The following PARVA variants were observed in gnomAD, a reference collection of about 807,000 sequenced individuals.
The protein encoded by PARVA is parvin alpha, also known as alpha-parvin.
Under a neutral mutation model 52.6 loss-of-function variants are expected in PARVA, and 25 were observed. That is an observed-to-expected ratio of 0.48 (90% CI 0.35 to 0.66). The LOEUF (loss-of-function observed/expected upper bound fraction) is 0.66. Ranked by LOEUF, PARVA falls within the 30% of genes least tolerant of loss-of-function variation. The pLI is 0.01. For synonymous variants in PARVA, 185 were observed against 179.1 expected (o/e 1.03, Z -0.26); for missense variants, 373 against 450.9 (o/e 0.83, Z 1.56).
At chr11:12,519,725 C>T (rs1188896721) in intron 12 of PARVA, among the ~76,000 whole-genome samples, 1 of 152,104 alleles carries the variant, frequency 6.6e-6, no homozygotes, top group African/African-American at 2.4e-5. Flanking sequence ...TCTCATGACT[C>T]CTTCCAGACT....
chr11:12,438,622 T>G (rs373985961), intron 1 of PARVA, among the ~76,000 whole-genome samples: 2 of 152,312 alleles, frequency 1.3e-5, no homozygotes, highest in African/African-American at 4.8e-5. Flanking sequence ...ATTCATTAAT[T>G]TATTCATTTA....
At chr11:12,454,982 A>G (rs1274073336) in intron 1 of PARVA, among the ~76,000 whole-genome samples, 1 of 152,216 alleles carries the variant, frequency 6.6e-6, no homozygotes, top group Non-Finnish European at 1.5e-5. Context: ...GATTGAAATA[A>G]GGCCCATGCA....
At chr11:12,377,182 C>T (rs750253153), upstream of PARVA, 1 of 269,260 alleles carries the variant, frequency 3.7e-6, no homozygotes, top group Non-Finnish European at 6.8e-6. Context: ...GCCTGATAAC[C>T]CCACAGGCAG....
At chr11:12,395,105 A>AAAAAGAAAG (rs1555030349) in intron 1 of PARVA, among the ~76,000 whole-genome samples, 3 of 148,910 alleles carry the variant, frequency 2.0e-5, no homozygotes, top group African/African-American at 5.1e-5. Flanking sequence ...AAAAAAAAAA[A>AAAAAGAAAG]AAAGAAAGAA....
intron 4 of PARVA, among the ~76,000 whole-genome samples, chr11:12,490,165 G>A (rs1399081287): frequency 1.2e-4 from 18 of 148,014 alleles, no homozygotes; most frequent in Admixed American, 2.8e-4. Flanking sequence ...GCCGTGAGCC[G>A]AGATCGTGCC....
chr11:12,415,270 T>G (rs1474007212), intron 1 of PARVA, among the ~76,000 whole-genome samples: 2 of 152,188 alleles, frequency 1.3e-5, no homozygotes, highest in African/African-American at 2.4e-5. Context: ...AACTTGAAAC[T>G]AGGATTCCAG....
At chr11:12,471,946 A>G (rs1452559864) in intron 1 of PARVA, among the ~76,000 whole-genome samples, 2 of 152,246 alleles carry the variant, frequency 1.3e-5, no homozygotes, top group Non-Finnish European at 2.9e-5. Flanking sequence ...CTCCTTGCGT[A>G]GCAATGCTTG....
At chr11:12,441,738 G>A (rs1940469119) in intron 1 of PARVA, among the ~76,000 whole-genome samples, 1 of 152,192 alleles carries the variant, frequency 6.6e-6, no homozygotes, top group South Asian at 2.1e-4. Context: ...AACCAAATCT[G>A]CTGAGGGAGG....
intron 1 of PARVA, among the ~76,000 whole-genome samples, chr11:12,424,103 G>A (rs1940192349): frequency 6.6e-6 from 1 of 151,612 alleles, no homozygotes; most frequent in Non-Finnish European, 1.5e-5. Flanking sequence ...TGTTTCTTTA[G>A]GTATTCCTTT....
At chr11:12,519,366 T>A (rs563073777) in intron 12 of PARVA, among the ~76,000 whole-genome samples, 12 of 152,208 alleles carry the variant, frequency 7.9e-5, no homozygotes, top group South Asian at 6.2e-4. Context: ...CATGCCCTGG[T>A]CTAGTGGGCT....
Position 12,395,827 on chromosome 11 carries a change from C to T in PARVA, c.136+18044C>T, listed in dbSNP as rs181361527. Among the ~76,000 whole-genome samples, 840 of 152,256 alleles carry T rather than the reference C, an allele frequency of 5.5e-3. 9 individuals are homozygous for T. The highest frequency in any genetic ancestry group is 0.014 in the Middle Eastern group (4 of 294). On this transcript the variant is annotated intron_variant, in intron 1 of 12. Coordinates refer to ENST00000334956, the MANE Select transcript of PARVA (RefSeq NM_018222.5). ...CCTGGCATTTGGAGATGGTATTAAACGTCCTAAATCAATATTTTGGAGGCA... is the reference window on the plus strand; with the variant it reads ...CCTGGCATTTGGAGATGGTATTAAATGTCCTAAATCAATATTTTGGAGGCA...
At chr11:12,433,296 G>A (rs1589955471) in intron 1 of PARVA, among the ~76,000 whole-genome samples, 1 of 152,276 alleles carries the variant, frequency 6.6e-6, no homozygotes, top group South Asian at 2.1e-4. Context: ...CAACTTTCTT[G>A]GATAACAGAT....
intron 10 of PARVA, among the ~76,000 whole-genome samples, chr11:12,516,354 C>T (rs1049584466): frequency 3.9e-5 from 6 of 152,180 alleles, no homozygotes; most frequent in African/African-American, 9.7e-5. Flanking sequence ...TCTAGAATGT[C>T]GGATGTGCAT....
chr11:12,458,588 G>A (rs941443747), intron 1 of PARVA, among the ~76,000 whole-genome samples: 1 of 151,514 alleles, frequency 6.6e-6, no homozygotes, highest in Non-Finnish European at 1.5e-5. Flanking sequence ...CTCCCCACCA[G>A]TTTCCTGTGA....
chr11:12,447,839 T>A (rs1363217569), intron 1 of PARVA, among the ~76,000 whole-genome samples: 1 of 152,224 alleles, frequency 6.6e-6, no homozygotes, highest in Non-Finnish European at 1.5e-5. Flanking sequence ...AACATGAGGT[T>A]TGAAGTCAGT....
At chr11:12,406,831 C>T (rs559886636) in intron 1 of PARVA, among the ~76,000 whole-genome samples, 91 of 151,956 alleles carry the variant, frequency 6.0e-4, no homozygotes, top group East Asian at 5.1e-3. Flanking sequence ...CCACCATGCC[C>T]GGCTAATTGT....
intron 1 of PARVA, among the ~76,000 whole-genome samples, chr11:12,429,615 T>A (rs1161273606): frequency 6.6e-6 from 1 of 152,232 alleles, no homozygotes; most frequent in African/African-American, 2.4e-5. Context: ...CATGATTTGA[T>A]GCGTGGAATT....
At chr11:12,474,038 T>C in intron 3 of PARVA, 55 bp downstream of exon 3, 2 of 1,359,200 alleles carry the variant, frequency 1.5e-6, no homozygotes. Context: ...CATGTGTCCA[T>C]ATGCCACCTG....
At chr11:12,426,130 G>A (rs751869356) in intron 1 of PARVA, among the ~76,000 whole-genome samples, 46 of 152,200 alleles carry the variant, frequency 3.0e-4, no homozygotes, top group Non-Finnish European at 6.0e-4. Context: ...ACAAATAAGT[G>A]TATAACTTCA....
Sources: gnomAD v4.1 joint callset for allele counts (sites outside exome capture counted in the v4.1 genomes callset) on GRCh38, gnomAD v4.1.1 for gene constraint, MANE v1.5 for transcripts, NCBI Gene and HGNC (gene_info 2026-07-23, HGNC 2026-07-21) for gene names.